Variants in SNX6 observed in about 807,000 individuals in gnomAD.
SNX6 encodes sorting nexin 6.
Under a neutral mutation model 63.0 loss-of-function variants are expected in SNX6, and 34 were observed. The observed-to-expected ratio is 0.54, with a 90% CI of 0.41 to 0.72. The LOEUF is 0.72. Among genes scored for constraint, SNX6 ranks in the 30% least tolerant of loss-of-function variants. The pLI is 0.00. For synonymous variants in SNX6, 170 were observed against 164.2 expected (o/e 1.04, Z -0.27); for missense variants, 398 against 471.4 (o/e 0.84, Z 1.44).
intron 6 of SNX6, among the ~76,000 whole-genome samples, chr14:34,601,511 C>G (rs887947574): frequency 1.3e-5 from 2 of 151,792 alleles, no homozygotes. Flanking sequence ...GCTGAGCCAC[C>G]GTGCCTGGCT....
chr14:34,587,535 A>C (rs1882223392), intron 8 of SNX6, among the ~76,000 whole-genome samples: 1 of 29,594 alleles, frequency 3.4e-5, no homozygotes, highest in Non-Finnish European at 9.0e-5. Flanking sequence ...TCCATCTCAA[A>C]AAAAAAAAAA....
intron 2 of SNX6, among the ~76,000 whole-genome samples, chr14:34,620,407 G>C (rs1256099761): frequency 6.6e-6 from 1 of 152,122 alleles, no homozygotes; most frequent in African/African-American, 2.4e-5. Context: ...TTGAGCCCCA[G>C]GAGGTCGAGG....
Position 34,562,648 on chromosome 14 carries a change from A to C in SNX6, c.*474T>G, listed in dbSNP as rs1440692034. 6.5e-6 allele frequency: 1 copy of C among 153,038 alleles called. No individual in the cohort carries two copies. The highest frequency in any genetic ancestry group is 2.1e-4 in the South Asian group (1 of 4,838). 9.5% of individuals were successfully genotyped at this position (153,038 alleles called of 1,614,324 possible). On this transcript the variant is annotated 3_prime_UTR_variant, in exon 14 of 14. Coordinates refer to ENST00000362031, the MANE Select transcript of SNX6 (RefSeq NM_152233.4). ...TCAGTAATTAAAAATAAGTCTGATT[A>C]AGATGCTTTACCAGGATACATGAAT...
intron 6 of SNX6, among the ~76,000 whole-genome samples, chr14:34,599,517 G>A (rs1373749656): frequency 6.6e-6 from 1 of 151,282 alleles, no homozygotes; most frequent in Non-Finnish European, 1.5e-5. Context: ...TGAGGCAAGA[G>A]AATCTTTTGA....
At chr14:34,575,282 C>T (rs1881647198) in intron 11 of SNX6, among the ~76,000 whole-genome samples, 1 of 151,264 alleles carries the variant, frequency 6.6e-6, no homozygotes, top group South Asian at 2.1e-4. Flanking sequence ...CTCACTGCAA[C>T]CTCTGCCTCC....
chr14:34,575,614 A>G (rs1881662611), intron 11 of SNX6, 142 bp downstream of exon 11: 1 of 435,348 alleles, frequency 2.3e-6, no homozygotes, highest in Admixed American at 4.0e-5. Flanking sequence ...TACAATTTCT[A>G]AAAGGAGAAA....
At chr14:34,575,926 T>G in intron 10 of SNX6, 84 bp from the exon 11 acceptor site, 1 of 770,708 alleles carries the variant, frequency 1.3e-6, no homozygotes, top group Non-Finnish European at 2.0e-6. Flanking sequence ...GTTGTTGTTT[T>G]TTTGTTTTTT....
intron 5 of SNX6, chr14:34,604,217 A>G (rs1354500414): frequency 1.6e-6 from 2 of 1,289,036 alleles, no homozygotes; most frequent in Admixed American, 2.3e-5. Flanking sequence ...AGAAGGATGC[A>G]GAGGATGGAG....
intron 5 of SNX6, among the ~76,000 whole-genome samples, chr14:34,604,998 A>G (rs948184415): frequency 4.6e-5 from 7 of 152,206 alleles, no homozygotes; most frequent in Non-Finnish European, 8.8e-5. Flanking sequence ...CAAAGTAACT[A>G]AAGAATAGTT....
intron 9 of SNX6, among the ~76,000 whole-genome samples, chr14:34,583,033 G>A (rs1882004062): frequency 6.6e-6 from 1 of 150,724 alleles, no homozygotes; most frequent in Non-Finnish European, 1.5e-5. Context: ...TTGGCTGGGT[G>A]CGGTGGCTCA....
At chr14:34,588,867 C>T (rs1398407663) in intron 8 of SNX6, among the ~76,000 whole-genome samples, 1 of 152,184 alleles carries the variant, frequency 6.6e-6, no homozygotes, top group Non-Finnish European at 1.5e-5. Context: ...GGCAGTGGTT[C>T]ACACCTGTAA....
At chr14:34,564,998 T>C (rs1323042086) in intron 13 of SNX6, among the ~76,000 whole-genome samples, 1 of 151,996 alleles carries the variant, frequency 6.6e-6, no homozygotes, top group Non-Finnish European at 1.5e-5. Context: ...TGAATGAACT[T>C]GGCTGCGTTC....
intron 13 of SNX6, among the ~76,000 whole-genome samples, chr14:34,566,760 A>G (rs1426519723): frequency 2.0e-5 from 3 of 152,216 alleles, no homozygotes; most frequent in African/African-American, 7.2e-5. Context: ...AATTCAAAGT[A>G]AACAACTAAC....
chr14:34,597,996 T>A (rs1004032355), intron 6 of SNX6, among the ~76,000 whole-genome samples: 1 of 152,228 alleles, frequency 6.6e-6, no homozygotes, highest in Non-Finnish European at 1.5e-5. Context: ...ATTAAAATTT[T>A]AGCTCGGGAG....
intron 2 of SNX6, among the ~76,000 whole-genome samples, chr14:34,626,066 G>T (rs1325484582): frequency 6.6e-6 from 1 of 151,742 alleles, no homozygotes; most frequent in African/African-American, 2.4e-5. Context: ...AGAAAAAGGG[G>T]GATACTAAAG....
At chr14:34,583,282 C>A (rs1013282904) in intron 9 of SNX6, among the ~76,000 whole-genome samples, 1 of 152,092 alleles carries the variant, frequency 6.6e-6, no homozygotes, top group Non-Finnish European at 1.5e-5. Context: ...GCACTCCAGC[C>A]TGGGCAACAG....
chr14:34,626,602 G>A (rs890283241), intron 2 of SNX6, among the ~76,000 whole-genome samples: 2 of 150,394 alleles, frequency 1.3e-5, no homozygotes, highest in Non-Finnish European at 2.9e-5. Flanking sequence ...CCAGGAGGCA[G>A]AGCTTGCAGC....
chr14:34,604,683 A>T (rs139276847), intron 5 of SNX6, among the ~76,000 whole-genome samples: 3 of 148,802 alleles, frequency 2.0e-5, no homozygotes, highest in Non-Finnish European at 1.5e-5. Flanking sequence ...TTTTCAGCAA[A>T]TACACTAAAA....
chr14:34,586,161 A>G, intron 9 of SNX6, 69 bp downstream of exon 9: 2 of 938,588 alleles, frequency 2.1e-6, no homozygotes, highest in Non-Finnish European at 3.3e-6. Context: ...TTCGCCTCCC[A>G]AAGTGCTGGG....
Sources: gnomAD v4.1 joint callset for allele counts (sites outside exome capture counted in the v4.1 genomes callset) on GRCh38, gnomAD v4.1.1 for gene constraint, MANE v1.5 for transcripts, NCBI Gene and HGNC (gene_info 2026-07-23, HGNC 2026-07-21) for gene names.